The following CEP112 variants were observed in gnomAD, a reference collection of about 807,000 sequenced individuals.
CEP112 encodes the protein centrosomal protein of 112 kDa.
Under a neutral mutation model 153.0 loss-of-function variants are expected in CEP112, and 127 were observed. That is an observed-to-expected ratio of 0.83 (90% CI 0.72 to 0.96). The LOEUF is 0.96. Among genes scored for constraint, CEP112 ranks in the 40% least tolerant of loss-of-function variants. The pLI, the probability that CEP112 is intolerant of heterozygous loss-of-function variation, is 0.00. For synonymous variants in CEP112, 358 were observed against 374.4 expected, an observed-to-expected ratio of 0.96 and a Z score of 0.51; for missense variants, 1,089 against 1,101.2, an observed-to-expected ratio of 0.99 and a Z score of 0.16.
At chr17:66,124,263 T>C (rs2069734805) in intron 6 of CEP112, among the ~76,000 whole-genome samples, 1 of 152,178 alleles carries the variant, frequency 6.6e-6, no homozygotes, top group Non-Finnish European at 1.5e-5. Flanking sequence ...CATTCCTGGA[T>C]TTCCCTGCAT....
At chr17:66,135,198 C>A (rs1380291548) in intron 4 of CEP112, among the ~76,000 whole-genome samples, 1 of 152,140 alleles carries the variant, frequency 6.6e-6, no homozygotes, top group Non-Finnish European at 1.5e-5. Context: ...ATTGCAGAAG[C>A]CAGCTTCTTG....
chr17:65,655,494 T>G lies in CEP112; in HGVS notation c.2698-14429A>C, dbSNP rs115387969. On this transcript the variant is annotated intron_variant, in intron 24 of 26. Transcript: ENST00000535342. ...GTACTCTTAGCAGCTCACAGAATAA[T>G]ACATGTTGACTTTATTTTGTAAAAT... The G allele has an allele frequency of 5.2e-3, 3,578 of 690,818 alleles. 94 individuals carry two copies. In the African/African-American group the frequency reaches 0.057, roughly 11 times the overall value. 42.8% of individuals were successfully genotyped at this position (690,818 alleles called of 1,614,324 possible).
At chr17:65,743,955 G>A (rs1039085457) in intron 22 of CEP112, among the ~76,000 whole-genome samples, 1 of 151,830 alleles carries the variant, frequency 6.6e-6, no homozygotes, top group South Asian at 2.1e-4. Flanking sequence ...TAGAGATGGG[G>A]TTTCATAATG....
chr17:66,150,198 C>G (rs942437224), intron 4 of CEP112, among the ~76,000 whole-genome samples: 2 of 135,808 alleles, frequency 1.5e-5, no homozygotes, highest in African/African-American at 2.7e-5. Context: ...CCGCGCCCGG[C>G]CTTTTTTTTT....
In CEP112 at chr17:66,060,290, T is replaced by C. The variant is rs114947187; in HGVS notation, c.1074+2673A>G. On this transcript the variant is annotated intron_variant, in intron 11 of 26. Transcript: ENST00000535342. Reference sequence around the variant, plus strand: ...TACCCTCTGAATCTAAAATAAATGCTGAAATTATTTTAAAAAATGAAATAA... The same window carrying C: ...TACCCTCTGAATCTAAAATAAATGCCGAAATTATTTTAAAAAATGAAATAA... 6.5e-3 allele frequency among the ~76,000 whole-genome samples: 988 copies of C among 152,222 alleles called. 13 individuals are homozygous for C. Among genetic ancestry groups the C allele is most frequent in the African/African-American group, 0.022 (903 of 41,540 alleles).
intron 8 of CEP112, among the ~76,000 whole-genome samples, chr17:66,091,574 C>A (rs2068133078): frequency 6.6e-6 from 1 of 151,942 alleles, no homozygotes; most frequent in Non-Finnish European, 1.5e-5. Flanking sequence ...GCAATAAATG[C>A]CTACATCAAA....
At chr17:65,846,152 A>G (rs543475649) in intron 21 of CEP112, among the ~76,000 whole-genome samples, 5 of 152,346 alleles carry the variant, frequency 3.3e-5, no homozygotes, top group African/African-American at 1.2e-4. Context: ...GCTGGCAAAT[A>G]TTTTAAATTT....
intron 13 of CEP112, among the ~76,000 whole-genome samples, chr17:66,029,506 G>C (rs1286748838): frequency 6.6e-6 from 1 of 151,982 alleles, no homozygotes; most frequent in Non-Finnish European, 1.5e-5. Flanking sequence ...AGACCAGCCT[G>C]GGCAACAGAG....
intron 20 of CEP112, among the ~76,000 whole-genome samples, chr17:65,897,974 T>G (rs1161388973): frequency 6.6e-6 from 1 of 152,048 alleles, no homozygotes; most frequent in Non-Finnish European, 1.5e-5. Context: ...CACAGCAAAG[T>G]TTCCCTCTTT....
intron 4 of CEP112, among the ~76,000 whole-genome samples, chr17:66,146,685 A>G (rs572806969): frequency 1.1e-4 from 17 of 152,146 alleles, no homozygotes; most frequent in African/African-American, 1.9e-4. Flanking sequence ...CCTGCTTCCC[A>G]CTGCCCCTAT....
chr17:65,698,778 G>C (rs1002213375), intron 23 of CEP112, among the ~76,000 whole-genome samples: 1 of 152,102 alleles, frequency 6.6e-6, no homozygotes, highest in African/African-American at 2.4e-5. Context: ...CAAGATCATA[G>C]AGGAATTTCC....
intron 21 of CEP112, among the ~76,000 whole-genome samples, chr17:65,824,988 G>T (rs1251041618): frequency 1.3e-5 from 2 of 152,042 alleles, no homozygotes; most frequent in Non-Finnish European, 2.9e-5. Flanking sequence ...ATACCCCAAA[G>T]AACTGAAAGC....
chr17:65,889,512 CTT>C (rs1189398992), intron 20 of CEP112, among the ~76,000 whole-genome samples: 2 of 152,150 alleles, frequency 1.3e-5, no homozygotes, highest in African/African-American at 2.4e-5. Flanking sequence ...GCCTCTCTCT[CTT>C]GACCTACCTT....
intron 4 of CEP112, among the ~76,000 whole-genome samples, chr17:66,151,835 T>C (rs577363513): frequency 6.6e-6 from 1 of 152,232 alleles, no homozygotes; most frequent in Admixed American, 6.5e-5. Flanking sequence ...CAATACTTTG[T>C]TTGCAACCTT....
At chr17:66,032,368 A>C (rs1005715534) in intron 12 of CEP112, among the ~76,000 whole-genome samples, 2 of 140,262 alleles carry the variant, frequency 1.4e-5, no homozygotes, top group Non-Finnish European at 3.1e-5. Context: ...AAAAAAAAAA[A>C]CTCAGAAAAG....
intron 21 of CEP112, among the ~76,000 whole-genome samples, chr17:65,818,257 G>T (rs1251322372): frequency 1.3e-5 from 2 of 151,700 alleles, no homozygotes; most frequent in African/African-American, 4.8e-5. Context: ...GCTTTCCTCA[G>T]GTAGGCAGCC....
chr17:65,662,028 A>T (rs2046415710), intron 24 of CEP112, among the ~76,000 whole-genome samples: 1 of 152,044 alleles, frequency 6.6e-6, no homozygotes, highest in Non-Finnish European at 1.5e-5. Flanking sequence ...GAGTGCAGTG[A>T]CGCAATCATG....
chr17:65,829,326 C>T (rs1475045796), intron 21 of CEP112, among the ~76,000 whole-genome samples: 1 of 152,054 alleles, frequency 6.6e-6, no homozygotes, highest in Non-Finnish European at 1.5e-5. Flanking sequence ...TCAGGCAAAC[C>T]AGGCCCATAG....
At chr17:65,993,200 TCTGTTC>T (rs1332445302) in intron 17 of CEP112, among the ~76,000 whole-genome samples, 1 of 152,252 alleles carries the variant, frequency 6.6e-6, no homozygotes, top group Non-Finnish European at 1.5e-5. Context: ...TGTTTGGTTT[TCTGTTC>T]CTGCATTAGT....
Sources: gnomAD v4.1 joint callset for allele counts (sites outside exome capture counted in the v4.1 genomes callset) on GRCh38, gnomAD v4.1.1 for gene constraint, MANE v1.5 for transcripts, NCBI Gene and HGNC (gene_info 2026-07-23, HGNC 2026-07-21) for gene names.